The following GGA3 variants were observed in gnomAD, a reference collection of about 807,000 sequenced individuals.
GGA3 encodes golgi associated, gamma adaptin ear containing, ARF binding protein 3.
A neutral mutation model predicts 77.5 loss-of-function variants in GGA3; 57 were observed. That is an observed-to-expected ratio of 0.74 (90% CI 0.59 to 0.92). The LOEUF is 0.92. GGA3 is among the 40% of genes least tolerant of loss of function. The pLI, the probability that GGA3 is intolerant of heterozygous loss-of-function variation, is 0.00. For synonymous variants in GGA3, 416 were observed against 383.7 expected (o/e 1.08, Z -0.98); for missense variants, 970 against 914.9 (o/e 1.06, Z -0.78).
chr17:75,242,723 G>T, intron 7 of GGA3, 108 bp downstream of exon 7: 1 of 1,017,490 alleles, frequency 9.8e-7, no homozygotes, highest in Non-Finnish European at 1.5e-6. Context: ...AGGTAGGGCA[G>T]CTGGCAGCAG....
intron 6 of GGA3, 71 bp from the exon 7 acceptor site, chr17:75,242,982 C>T (rs1475138343): frequency 3.4e-6 from 5 of 1,487,890 alleles, no homozygotes; most frequent in African/African-American, 1.4e-5. Flanking sequence ...CCAGAGGCTC[C>T]CCGCAGCACA....
rs764895015 is a variant in GGA3 at position 75,241,456 on chromosome 17, A to G, written c.890T>C (p.Ile297Thr). 1.1e-5 allele frequency: 17 copies of G among 1,613,956 alleles called. No individual in the cohort carries two copies. The highest frequency in any genetic ancestry group is 1.3e-5 in the African/African-American group (1 of 74,906). ...CTCGCCATTGATGACCTGCCCTTCA[A>G]TAATTGTTTTGTAAGAGTTGATGAC... is the stretch of plus-strand genomic sequence containing the variant. ...SRVINSYKTI[I>T]EGQVINGEVA... The change falls in exon 10 of 17, where the codon ATT becomes ACT. Residue 297 changes from isoleucine (I) to threonine (T), a missense_variant. Transcript: ENST00000537686.
upstream of GGA3, chr17:75,261,905 C>CCCCCGCAGTGAAGGT (rs772851300): frequency 1.2e-5 from 20 of 1,608,166 alleles, no homozygotes; most frequent in Admixed American, 1.7e-4. Flanking sequence ...GCCAAGATGG[C>CCCCCGCAGTGAAGGT]TGCCCCCGCA....
chr17:75,247,854 G>C (rs1245497423), intron 1 of GGA3, among the ~76,000 whole-genome samples: 1 of 152,100 alleles, frequency 6.6e-6, no homozygotes, highest in Non-Finnish European at 1.5e-5. Context: ...TATTTGGCAT[G>C]GGCTCTCCTC....
At chr17:75,240,673 T>TAG in intron 11 of GGA3, 139 bp downstream of exon 11, 1 of 1,019,990 alleles carries the variant, frequency 9.8e-7, no homozygotes. Flanking sequence ...TCGCTGAACT[T>TAG]CACTGAGTAC....
At chr17:75,242,593 G>A in intron 7 of GGA3, 120 bp from the exon 8 acceptor site, 1 of 1,171,466 alleles carries the variant, frequency 8.5e-7, no homozygotes, top group Non-Finnish European at 1.2e-6. Context: ...TTTCAGTGTG[G>A]GGTGCCTGGG....
At chr17:75,254,148 CCT>C (rs1409756477) in intron 1 of GGA3, among the ~76,000 whole-genome samples, 1 of 152,162 alleles carries the variant, frequency 6.6e-6, no homozygotes, top group Non-Finnish European at 1.5e-5. Flanking sequence ...CCGCCTGTCC[CCT>C]CAGTCCCAAC....
At chr17:75,244,335 A>G in intron 4 of GGA3, 1 of 321,250 alleles carries the variant, frequency 3.1e-6, no homozygotes, top group Non-Finnish European at 5.9e-6. Flanking sequence ...GCCATGTGCC[A>G]GGTGCCTAGA....
intron 1 of GGA3, among the ~76,000 whole-genome samples, chr17:75,248,497 A>AAAAAAAAAAACCC (rs1598419652): frequency 7.2e-6 from 1 of 138,620 alleles, no homozygotes; most frequent in Non-Finnish European, 1.5e-5. Flanking sequence ...AAAAAAAATC[A>AAAAAAAAAAACCC]CCAGCTGGGC....
chr17:75,243,710 GAC>G (rs1433068231), intron 4 of GGA3, 140 bp from the exon 5 acceptor site: 1 of 767,912 alleles, frequency 1.3e-6, no homozygotes, highest in African/African-American at 1.8e-5. Context: ...GTGTGTGTGA[GAC>G]AGCGTGGGGA....
Position 75,241,016 on chromosome 17 carries a change from C to T in GGA3, c.988G>A (p.Ala330Thr). 1 of 1,614,098 alleles carries T rather than the reference C, an allele frequency of 6.2e-7. No individual in the cohort carries two copies. Among genetic ancestry groups the T allele is most frequent in the Non-Finnish European group, 8.5e-7 (1 of 1,180,000 alleles). ...CSNQGTLIDL[A>T]ELDTTNSLSS... is the part of the protein sequence containing the mutation. The stretch of plus-strand genomic sequence containing the variant: ...AAACTGTTGGTCGTGTCCAGCTCCG[C>T]AAGGTCGATGAGCGTGCCTTGGTTA... The change falls in exon 11 of 17, where the codon GCG becomes ACG. Residue 330 changes from alanine to threonine, a missense_variant. Coordinates refer to ENST00000537686, the MANE Select transcript of GGA3 (RefSeq NM_138619.4).
At chr17:75,252,454 T>C (rs2077000129) in intron 1 of GGA3, among the ~76,000 whole-genome samples, 1 of 152,144 alleles carries the variant, frequency 6.6e-6, no homozygotes, top group South Asian at 2.1e-4. Flanking sequence ...CACCTCTTTT[T>C]TGACTCCTTC....
intron 1 of GGA3, among the ~76,000 whole-genome samples, chr17:75,250,302 G>C (rs183587127): frequency 3.3e-5 from 5 of 152,296 alleles, no homozygotes; most frequent in Non-Finnish European, 4.4e-5. Context: ...TCGAGTCTCT[G>C]TTGAAAGCCT....
intron 12 of GGA3, 24 bp from the exon 13 acceptor site, chr17:75,240,132 G>C: frequency 1.6e-6 from 2 of 1,287,436 alleles, no homozygotes; most frequent in Non-Finnish European, 2.2e-6. Context: ...AAAGGGTGGT[G>C]AGCCGAGGGC....
chr17:75,261,930 A>C, upstream of GGA3: 1 of 1,608,934 alleles, frequency 6.2e-7, no homozygotes, highest in Non-Finnish European at 8.5e-7. Flanking sequence ...AGGTTGCCCG[A>C]GGATGGTCGG....
At position 75,242,466 on chromosome 17, in the gene GGA3, G is replaced by A. The variant is rs1442721143; in HGVS notation, c.617C>T (p.Ala206Val). ...LIKSMVKEDEARIQKVTKRLH... is the reference protein window; with the variant it reads ...LIKSMVKEDEVRIQKVTKRLH... ...ACGCTTGGTCACCTTCTGGATCCGT[G>A]CCTCGTCCTGCCCCAGTGAAGAAGT... Residue 206 changes from alanine (A) to valine (V), a missense_variant, in exon 8 of 17, where the codon GCA becomes GTA. Ala to Val is a moderately conservative substitution (Grantham distance 64). Transcript: ENST00000537686. 1 of 1,614,136 alleles carries A rather than the reference G, an allele frequency of 6.2e-7. No homozygotes were observed. The highest frequency in any genetic ancestry group is 8.5e-7 in the Non-Finnish European group (1 of 1,179,990).
chr17:75,260,539 G>A (rs2077321670), intron 1 of GGA3, among the ~76,000 whole-genome samples: 1 of 152,166 alleles, frequency 6.6e-6, no homozygotes, highest in Non-Finnish European at 1.5e-5. Flanking sequence ...TCAACCTCCT[G>A]AAGGGGGTTT....
At position 75,238,904 on chromosome 17, in the gene GGA3, ACACTGGTACCTTGGG is replaced by A; in HGVS notation, c.1945_1950+9del. The A allele has an allele frequency of 6.2e-7, 1 of 1,612,888 alleles. No individual in the cohort carries two copies. The highest frequency in any genetic ancestry group is 1.1e-5 in the South Asian group (1 of 91,026). Reference sequence around the variant, plus strand: ...ATAAGGCCGTTTTGGCCCCAGGGAGACACTGGTACCTTGGGCACTGCAGCCTGCAGCACGATGCTC... The same window carrying A: ...ATAAGGCCGTTTTGGCCCCAGGGAGACACTGCAGCCTGCAGCACGATGCTC... On this transcript the variant is annotated splice_donor_variant and splice_donor_5th_base_variant and coding_sequence_variant and intron_variant, in exon 15 of 17. Transcript: ENST00000537686. LOFTEE classifies it high-confidence loss of function.
chr17:75,257,280 C>CA (rs1555591602), intron 1 of GGA3, among the ~76,000 whole-genome samples: 13 of 13,382 alleles, frequency 9.7e-4, no homozygotes, highest in Non-Finnish European at 1.5e-3. Context: ...TAGACTGTGC[C>CA]CCCCCCCCCA....
Sources: allele counts gnomAD v4.1 joint callset (sites outside exome capture counted in the v4.1 genomes callset), GRCh38; gene constraint gnomAD v4.1.1; transcripts MANE v1.5; gene names NCBI Gene and HGNC (gene_info 2026-07-23, HGNC 2026-07-21).